SRSF4: variants seen among roughly 807,000 people sequenced by gnomAD.
SRSF4 encodes the protein serine/arginine-rich splicing factor 4.
Under a neutral mutation model 48.8 loss-of-function variants are expected in SRSF4, and 12 were observed. That is an observed-to-expected ratio of 0.25 (90% CI 0.16 to 0.40). The LOEUF is 0.40. Among genes scored for constraint, SRSF4 ranks in the 10% least tolerant of loss-of-function variants. The pLI, the probability that SRSF4 is intolerant of heterozygous loss-of-function variation, is 1.00. For missense variants in SRSF4, 466 were observed against 667.1 expected, an observed-to-expected ratio of 0.70 and a Z score of 3.32; for synonymous variants, 248 against 232.5, an observed-to-expected ratio of 1.07 and a Z score of -0.61.
rs1672967908 is a variant in SRSF4, at chr1:29,181,845, A to G, written c.-93T>C. The G allele has an allele frequency of 9.3e-7, 1 of 1,079,806 alleles. No homozygotes were observed. The highest frequency in any genetic ancestry group is 1.2e-6 in the Non-Finnish European group (1 of 819,980). 66.9% of individuals were successfully genotyped at this position (1,079,806 alleles called of 1,614,324 possible). A position where few individuals can be genotyped will look rare whatever the true frequency, so the allele number is the denominator to read the frequency against. Reference sequence around the variant, plus strand: ...GCACGGCGGCAGCGGCGGCGGCGGCAACGGGCGGGCGGCGGGACGGACGCA... The same window carrying G: ...GCACGGCGGCAGCGGCGGCGGCGGCGACGGGCGGGCGGCGGGACGGACGCA... On this transcript the variant is annotated 5_prime_UTR_variant, in exon 1 of 6. Coordinates refer to ENST00000373795, the MANE Select transcript of SRSF4 (RefSeq NM_005626.5).
chr1:29,176,416 T>C (rs966299080), intron 1 of SRSF4, among the ~76,000 whole-genome samples: 1 of 150,788 alleles, frequency 6.6e-6, no homozygotes, highest in Non-Finnish European at 1.5e-5. Flanking sequence ...ATCCCTCTCA[T>C]GATTAAGAAT....
chr1:29,158,203 T>C (rs1392510442), intron 3 of SRSF4, among the ~76,000 whole-genome samples: 1 of 150,918 alleles, frequency 6.6e-6, no homozygotes, highest in Non-Finnish European at 1.5e-5. Context: ...GTACACTGGA[T>C]GGCCAACATT....
At position 29,154,220 on chromosome 1, in the gene SRSF4, C is replaced by A. The variant is rs192771127; in HGVS notation, c.578+476G>T. 4.4e-3 allele frequency among the ~76,000 whole-genome samples: 673 copies of A among 152,344 alleles called. 2 individuals carry two copies. Among genetic ancestry groups the A allele is most frequent in the Non-Finnish European group, 6.8e-3 (460 of 68,044 alleles). On this transcript the variant is annotated intron_variant, in intron 4 of 5. Coordinates refer to ENST00000373795, the MANE Select transcript of SRSF4 (RefSeq NM_005626.5). ...TCACTGGGATTATAGGCACCCACCA[C>A]GCCCAACTAAATTTTGTTATTTTTA...
chr1:29,169,641 A>G (rs1393977150), intron 1 of SRSF4: 1 of 152,218 alleles, frequency 6.6e-6, no homozygotes, highest in Non-Finnish European at 1.5e-5. Flanking sequence ...CAAATATATC[A>G]GTGGGAAAAT....
At chr1:29,173,130 C>CTTTTTTTTTTTTTTTTT (rs71586892) in intron 1 of SRSF4, 2 of 78,556 alleles carry the variant, frequency 2.5e-5, no homozygotes, top group African/African-American at 5.1e-5. Flanking sequence ...GTCAAAAAGG[C>CTTTTTTTTTTTTTTTTT]TTTTTTTTTT....
intron 1 of SRSF4, 130 bp downstream of exon 1, chr1:29,181,516 A>C: frequency 2.7e-6 from 2 of 746,030 alleles, no homozygotes; most frequent in Non-Finnish European, 4.0e-6. Context: ...AGGCGCCGCC[A>C]CTATGGCGGA....
Position 29,181,685 on chromosome 1 carries a change from T to C in SRSF4, c.68A>G (p.Lys23Arg). 6.3e-7 allele frequency: 1 copy of C among 1,597,054 alleles called. No individual in the cohort carries two copies. The highest frequency in any genetic ancestry group is 8.5e-7 in the Non-Finnish European group (1 of 1,173,430). ...ARERDVERFF[K>R]GYGKILEVDL... ...CACCTCCAGGATCTTCCCGTAGCCC[T>C]TAAAGAAGCGCTCCACATCGCGCTC... is the stretch of plus-strand genomic sequence containing the variant. The change falls in exon 1 of 6, where the codon AAG (lysine) becomes AGG (arginine). Residue 23 changes from lysine to arginine, a missense_variant. By Grantham distance (26) the Lys-to-Arg change is conservative (BLOSUM62 2). This residue lies in a region of SRSF4 where 64 missense variants were observed against 230.2 expected (regional missense o/e 0.28). Coordinates refer to ENST00000373795, the MANE Select transcript of SRSF4 (RefSeq NM_005626.5).
At chr1:29,160,321 T>C in intron 2 of SRSF4, 54 bp downstream of exon 2, 2 of 1,527,106 alleles carry the variant, frequency 1.3e-6, no homozygotes, top group South Asian at 2.5e-5. Flanking sequence ...CTTTAAAAAT[T>C]AGCATGATAA....
At chr1:29,163,814 A>T (rs1672632780) in intron 1 of SRSF4, among the ~76,000 whole-genome samples, 1 of 152,230 alleles carries the variant, frequency 6.6e-6, no homozygotes, top group African/African-American at 2.4e-5. Flanking sequence ...ACCAGGGCTG[A>T]AACTCCCTAA....
At chr1:29,163,679 T>C (rs1672630781) in intron 1 of SRSF4, among the ~76,000 whole-genome samples, 1 of 152,224 alleles carries the variant, frequency 6.6e-6, no homozygotes, top group South Asian at 2.1e-4. Context: ...GTAGTTTATA[T>C]TCATAGCACC....
intron 1 of SRSF4, among the ~76,000 whole-genome samples, chr1:29,175,694 C>CCAAAAAAA (rs1672830738): frequency 1.3e-4 from 5 of 38,588 alleles, no homozygotes; most frequent in East Asian, 1.3e-3. Context: ...GACGCTGTCT[C>CCAAAAAAA]AAAAAAAAAA....
At chr1:29,181,508 G>A (rs1204729879) in intron 1 of SRSF4, 138 bp downstream of exon 1, 8 of 686,474 alleles carry the variant, frequency 1.2e-5, no homozygotes, top group Non-Finnish European at 1.8e-5. Flanking sequence ...CGCCCCCGAG[G>A]CGCCGCCACT....
chr1:29,169,674 A>G (rs952026624), intron 1 of SRSF4: 5 of 152,260 alleles, frequency 3.3e-5, no homozygotes, highest in Admixed American at 6.5e-5. Flanking sequence ...CCTTTCTCAT[A>G]AAGTAAACCA....
At chr1:29,166,438 G>A (rs1321419694) in intron 1 of SRSF4, among the ~76,000 whole-genome samples, 1 of 152,196 alleles carries the variant, frequency 6.6e-6, no homozygotes, top group African/African-American at 2.4e-5. Context: ...TAACTGCCCC[G>A]ATTCCAAAGG....
intron 4 of SRSF4, among the ~76,000 whole-genome samples, chr1:29,150,740 G>C (rs566708943): frequency 6.6e-6 from 1 of 152,106 alleles, no homozygotes; most frequent in Non-Finnish European, 1.5e-5. Context: ...GGCTCCTTAT[G>C]TGCACTGATG....
intron 1 of SRSF4, among the ~76,000 whole-genome samples, chr1:29,163,919 G>A (rs1458362686): frequency 6.6e-6 from 1 of 152,076 alleles, no homozygotes; most frequent in Non-Finnish European, 1.5e-5. Flanking sequence ...TATTTCTCTG[G>A]GTCTTAGTTT....
At chr1:29,166,618 ATCCTT>A (rs1672673066) in intron 1 of SRSF4, 1 of 152,212 alleles carries the variant, frequency 6.6e-6, no homozygotes, top group Non-Finnish European at 1.5e-5. Context: ...GGTTCCTGAG[ATCCTT>A]TCCTTTCTTG....
intron 1 of SRSF4, among the ~76,000 whole-genome samples, chr1:29,164,166 T>C (rs1339013257): frequency 1.3e-5 from 2 of 152,206 alleles, no homozygotes; most frequent in Non-Finnish European, 2.9e-5. Flanking sequence ...AATGGAAAAT[T>C]TAAACTCTAA....
chr1:29,150,620 T>C (rs1301228611), intron 4 of SRSF4, among the ~76,000 whole-genome samples: 1 of 152,164 alleles, frequency 6.6e-6, no homozygotes, highest in Non-Finnish European at 1.5e-5. Flanking sequence ...TCTCTTGGGT[T>C]CTAGGTCCAC....
Sources: allele counts gnomAD v4.1 joint callset (sites outside exome capture counted in the v4.1 genomes callset), GRCh38; gene constraint gnomAD v4.1.1; regional missense constraint gnomAD v4.1.1; transcripts MANE v1.5; gene names NCBI Gene and HGNC (gene_info 2026-07-23, HGNC 2026-07-21).